The following KATNAL1 variants were observed in gnomAD, a reference collection of about 807,000 sequenced individuals.
KATNAL1 encodes katanin catalytic subunit A1 like 1, also known as katanin p60 ATPase-containing subunit A-like 1.
Under a neutral mutation model 55.2 loss-of-function variants are expected in KATNAL1, and 32 were observed. The observed-to-expected ratio is 0.58, with a 90% CI of 0.44 to 0.78. The LOEUF (loss-of-function observed/expected upper bound fraction) is 0.78, where lower values mean the gene tolerates loss of function less well. KATNAL1 is among the 30% of genes least tolerant of loss of function. The pLI is 0.00. For missense variants in KATNAL1, 466 were observed against 600.9 expected (o/e 0.78, Z 2.35); for synonymous variants, 193 against 193.6 (o/e 1.00, Z 0.02).
chr13:30,231,231 G>C (rs1205054689), intron 7 of KATNAL1, 83 bp downstream of exon 7: 2 of 1,111,652 alleles, frequency 1.8e-6, no homozygotes, highest in Admixed American at 5.1e-5. Flanking sequence ...TTTCAAAAAA[G>C]ATTCCAGGTG....
chr13:30,284,751 T>C (rs2137541436), intron 1 of KATNAL1, among the ~76,000 whole-genome samples: 1 of 152,346 alleles, frequency 6.6e-6, no homozygotes, highest in South Asian at 2.1e-4. Context: ...AAGATGTTAG[T>C]TAGAATACCC....
intron 1 of KATNAL1, among the ~76,000 whole-genome samples, chr13:30,304,203 T>C (rs1174257535): frequency 1.3e-5 from 2 of 152,130 alleles, no homozygotes; most frequent in Non-Finnish European, 2.9e-5. Context: ...CCAGTTCTTC[T>C]TCCTCTATGC....
At position 30,240,966 on chromosome 13, in the gene KATNAL1, T is replaced by C. The variant is rs1054619651; in HGVS notation, c.613A>G (p.Ile205Val). The C allele has an allele frequency of 6.8e-6, 11 of 1,612,384 alleles. No individual in the cohort carries two copies. The Admixed American group carries it at 1.0e-4, about 15-fold the overall frequency. Residue 205 changes from isoleucine (I) to valine (V), a missense_variant, in exon 5 of 11, where the codon ATT becomes GTT. Physicochemically the swap from Ile to Val is conservative, Grantham distance 29. Around this residue, in one of 3 missense-constraint regions of KATNAL1, gnomAD observed 248 missense variants for 275.5 expected, o/e 0.90. Transcript: ENST00000380615. ...ERDIVSRNPS[I>V]HWDDIADLEE... ...AATTTGAAAGACTCTAACCAATGAA[T>C]GCTAGGATTCCTGGATACAATGTCT...
At chr13:30,244,464 G>T (rs899554344) in intron 4 of KATNAL1, among the ~76,000 whole-genome samples, 5 of 152,112 alleles carry the variant, frequency 3.3e-5, no homozygotes, top group African/African-American at 1.2e-4. Flanking sequence ...CTGGATCAAA[G>T]GGTATTTCTG....
chr13:30,297,639 G>A (rs1882602189), intron 1 of KATNAL1, among the ~76,000 whole-genome samples: 1 of 152,156 alleles, frequency 6.6e-6, no homozygotes, highest in South Asian at 2.1e-4. Flanking sequence ...CAGTGGATTG[G>A]ATAAAGAAAA....
intron 9 of KATNAL1, among the ~76,000 whole-genome samples, chr13:30,214,160 C>A (rs1427993727): frequency 6.6e-6 from 1 of 152,180 alleles, no homozygotes; most frequent in Non-Finnish European, 1.5e-5. Context: ...CATGAGTGAA[C>A]TCCCATTCAC....
chr13:30,282,680 C>T (rs1301487432), intron 2 of KATNAL1, among the ~76,000 whole-genome samples: 1 of 150,474 alleles, frequency 6.6e-6, no homozygotes, highest in African/African-American at 2.4e-5. Context: ...AGAGGCCTGG[C>T]GTGGTGGCTC....
intron 4 of KATNAL1, among the ~76,000 whole-genome samples, chr13:30,246,199 T>C (rs1468024092): frequency 1.3e-5 from 2 of 152,140 alleles, no homozygotes; most frequent in East Asian, 3.8e-4. Flanking sequence ...AACAGATATA[T>C]AGACCAATGG....
At chr13:30,304,222 T>C (rs1000584612) in intron 1 of KATNAL1, among the ~76,000 whole-genome samples, 4 of 151,922 alleles carry the variant, frequency 2.6e-5, no homozygotes, top group Non-Finnish European at 5.9e-5. Context: ...GCCTCCTAAC[T>C]AGGGTCTCAT....
At chr13:30,224,055 A>G (rs1650288358) in intron 9 of KATNAL1, among the ~76,000 whole-genome samples, 1 of 152,202 alleles carries the variant, frequency 6.6e-6, no homozygotes, top group Admixed American at 6.5e-5. Context: ...TATCTAGAAA[A>G]CACCCCAATT....
At chr13:30,249,808 T>C (rs547096245) in intron 4 of KATNAL1, among the ~76,000 whole-genome samples, 1 of 152,212 alleles carries the variant, frequency 6.6e-6, no homozygotes, top group Non-Finnish European at 1.5e-5. Flanking sequence ...GATGGTTACA[T>C]TGAATTACAA....
chr13:30,296,561 C>T lies in KATNAL1; in HGVS notation c.-15+10770G>A, dbSNP rs150814146. 4.8e-4 allele frequency: 350 copies of T among 734,126 alleles called. 2 individuals carry two copies. In the African/African-American group the frequency reaches 5.0e-3, roughly 10 times the overall value. The allele number at this position is 734,126 out of a possible 1,614,324, so 45.5% of individuals were successfully genotyped here. Reference sequence around the variant, plus strand: ...ATGGCAAGGGTGTCCTTTGCCAGATCACTGTTAATGATTTGCCTGTGGGAC... The same window carrying T: ...ATGGCAAGGGTGTCCTTTGCCAGATTACTGTTAATGATTTGCCTGTGGGAC... On this transcript the variant is annotated intron_variant, in intron 1 of 10. Coordinates refer to ENST00000380615, the MANE Select transcript of KATNAL1 (RefSeq NM_032116.5).
chr13:30,231,435 G>C lies in KATNAL1; in HGVS notation c.764C>G (p.Thr255Ser). Residue 255 changes from threonine to serine, a missense_variant, in exon 7 of 11, where the codon ACT becomes AGT. Coordinates refer to ENST00000380615, the MANE Select transcript of KATNAL1 (RefSeq NM_032116.5). ...AGTGGCAACAGCTTTAGCTAGCATAGTTTTACCAGTGCCTGGGGGTCCAAC... is the reference window on the plus strand; with the variant it reads ...AGTGGCAACAGCTTTAGCTAGCATACTTTTACCAGTGCCTGGGGGTCCAAC... ...LMVGPPGTGK[T>S]MLAKAVATEC... The C allele has an allele frequency of 6.3e-7, 1 of 1,592,752 alleles. No individual in the cohort carries two copies. The highest frequency in any genetic ancestry group is 8.5e-7 in the Non-Finnish European group (1 of 1,169,816).
At chr13:30,280,853 T>C (rs1337777951) in intron 2 of KATNAL1, among the ~76,000 whole-genome samples, 2 of 152,130 alleles carry the variant, frequency 1.3e-5, no homozygotes, top group Non-Finnish European at 1.5e-5. Context: ...ACTGAACACA[T>C]ACTATGAGGA....
intron 3 of KATNAL1, among the ~76,000 whole-genome samples, chr13:30,261,187 C>T (rs1421524642): frequency 5.3e-5 from 8 of 151,914 alleles, no homozygotes; most frequent in Non-Finnish European, 1.2e-4. Context: ...TTGTCACCAC[C>T]AGGCCTGCCC....
intron 4 of KATNAL1, among the ~76,000 whole-genome samples, chr13:30,250,201 T>C (rs1336064126): frequency 6.6e-6 from 1 of 152,228 alleles, no homozygotes; most frequent in Non-Finnish European, 1.5e-5. Flanking sequence ...ATTTATTGTT[T>C]TCCTGACTGT....
intron 4 of KATNAL1, among the ~76,000 whole-genome samples, chr13:30,241,866 C>T (rs117619091): frequency 1.3e-5 from 2 of 152,142 alleles, no homozygotes; most frequent in African/African-American, 4.8e-5. Flanking sequence ...TTCCTTCAAG[C>T]CACTAGGTAA....
intron 6 of KATNAL1, among the ~76,000 whole-genome samples, chr13:30,234,011 A>G (rs755526811): frequency 1.3e-5 from 2 of 152,216 alleles, no homozygotes; most frequent in Non-Finnish European, 2.9e-5. Flanking sequence ...GGGTGACCAT[A>G]GTTTACAATA....
intron 9 of KATNAL1, among the ~76,000 whole-genome samples, chr13:30,224,286 T>G (rs909922023): frequency 6.6e-6 from 1 of 152,134 alleles, no homozygotes; most frequent in African/African-American, 2.4e-5. Flanking sequence ...CTCACATCTG[T>G]AATCCCAGTG....
Sources: gnomAD v4.1 joint callset for allele counts (sites outside exome capture counted in the v4.1 genomes callset) on GRCh38, gnomAD v4.1.1 for gene constraint, gnomAD v4.1.1 regional missense constraint, MANE v1.5 for transcripts, NCBI Gene and HGNC (gene_info 2026-07-23, HGNC 2026-07-21) for gene names.